The following PRKG1 variants were observed in gnomAD, a reference collection of about 807,000 sequenced individuals.
PRKG1 encodes protein kinase cGMP-dependent 1.
In PRKG1, 35 loss-of-function variants were observed where a neutral mutation model predicts 88.1. The observed-to-expected ratio is 0.40, with a 90% CI of 0.30 to 0.53. The LOEUF is 0.53. Among genes scored for constraint, PRKG1 ranks in the 20% least tolerant of loss-of-function variants. PRKG1 has a pLI of 0.59. For missense variants in PRKG1, 540 were observed against 839.8 expected (o/e 0.64, Z 4.41); for synonymous variants, 303 against 292.5 (o/e 1.04, Z -0.37).
intron 1 of PRKG1, among the ~76,000 whole-genome samples, chr10:50,997,485 G>A (rs1842848289): frequency 6.6e-6 from 1 of 152,184 alleles, no homozygotes; most frequent in African/African-American, 2.4e-5. Context: ...CTACGGTCCT[G>A]TTTCCTAGTG....
In PRKG1 at chr10:50,991,292, G is replaced by C. The variant is rs1842777883; in HGVS notation, c.-87G>C. On this transcript the variant is annotated 5_prime_UTR_variant, in exon 1 of 18. Coordinates refer to the PRKG1 transcript ENST00000401604. The surrounding 1 kb of genome is among the most constrained non-coding windows in gnomAD (Gnocchi z 4.5). ...ATTCACTCGCTCACCCGCGCTCTCC[G>C]CTGCCGGCTGCCGTCCCAGCCGCCG... The C allele has an allele frequency of 7.0e-7, 1 of 1,431,678 alleles. No homozygotes were observed. Among genetic ancestry groups the C allele is most frequent in the African/African-American group, 1.6e-5 (1 of 61,906 alleles). The allele number at this position is 1,431,678 out of a possible 1,614,324, so 88.7% of individuals were successfully genotyped here.
intron 1 of PRKG1, among the ~76,000 whole-genome samples, chr10:51,033,287 C>T (rs1011504618): frequency 5.3e-5 from 8 of 152,142 alleles, no homozygotes; most frequent in Non-Finnish European, 8.8e-5. Flanking sequence ...GATATAGGCA[C>T]CCTTCAAAAT....
chr10:52,282,449 T>C, intron 14 of PRKG1, 133 bp downstream of exon 14: 1 of 903,330 alleles, frequency 1.1e-6, no homozygotes, highest in Non-Finnish European at 1.6e-6. Context: ...TAATTAGTTA[T>C]ACAGATGACC....
At chr10:51,035,444 C>T (rs999325153) in intron 1 of PRKG1, among the ~76,000 whole-genome samples, 12 of 152,034 alleles carry the variant, frequency 7.9e-5, no homozygotes, top group African/African-American at 2.9e-4. Context: ...CTTGTGGTCT[C>T]GGTTGTAGTG....
At chr10:52,009,596 C>A (rs1844830249) in intron 5 of PRKG1, among the ~76,000 whole-genome samples, 1 of 152,080 alleles carries the variant, frequency 6.6e-6, no homozygotes, top group South Asian at 2.1e-4. Flanking sequence ...GGCCATACTG[C>A]CCAAAGGAAG....
chr10:51,031,156 C>T (rs888617083), intron 1 of PRKG1, among the ~76,000 whole-genome samples: 2 of 151,866 alleles, frequency 1.3e-5, no homozygotes, highest in African/African-American at 4.8e-5. Flanking sequence ...CTAAATTTTC[C>T]CTTTAGAATT....
At chr10:52,123,012 T>C (rs1412611257) in intron 7 of PRKG1, among the ~76,000 whole-genome samples, 1 of 152,224 alleles carries the variant, frequency 6.6e-6, no homozygotes, top group Non-Finnish European at 1.5e-5. Context: ...ATTCTGTATA[T>C]TAGGTTGAAC....
chr10:51,792,127 CTTAA>C (rs1838883878), intron 3 of PRKG1, among the ~76,000 whole-genome samples: 1 of 151,972 alleles, frequency 6.6e-6, no homozygotes, highest in African/African-American at 2.4e-5. Context: ...TTATCACTTT[CTTAA>C]TTGTGTTTCT....
At chr10:51,841,814 C>T (rs1308470948) in intron 4 of PRKG1, among the ~76,000 whole-genome samples, 1 of 152,078 alleles carries the variant, frequency 6.6e-6, no homozygotes, top group Non-Finnish European at 1.5e-5. Context: ...TCCTGAGTAG[C>T]TGGGATTATA....
At position 51,744,617 on chromosome 10, in the gene PRKG1, G is replaced by C. The variant is rs149558869; in HGVS notation, c.593-59968G>C. Among the ~76,000 whole-genome samples, 863 of 152,296 alleles carry C rather than the reference G, an allele frequency of 5.7e-3. 3 individuals carry two copies. Among genetic ancestry groups the C allele is most frequent in the Non-Finnish European group, 8.6e-3 (587 of 68,020 alleles). ...ATAATTTTCTTGTTTGTATGAGAAA[G>C]ACATTTCTTATGTGTGGAAGAAGAA... is the stretch of plus-strand genomic sequence containing the variant. On this transcript the variant is annotated intron_variant, in intron 3 of 17. Transcript: ENST00000373980.
intron 4 of PRKG1, among the ~76,000 whole-genome samples, chr10:51,875,434 G>T (rs1299216677): frequency 6.6e-6 from 1 of 151,738 alleles, no homozygotes; most frequent in Non-Finnish European, 1.5e-5. Context: ...TTGATTGATT[G>T]GTTGGTTGGT....
intron 3 of PRKG1, among the ~76,000 whole-genome samples, chr10:51,499,768 G>T (rs368119515): frequency 6.6e-6 from 1 of 152,066 alleles, no homozygotes; most frequent in Non-Finnish European, 1.5e-5. Context: ...AAGAAATCCC[G>T]TCTCTACAAA....
rs554710299 is a variant in PRKG1 at position 52,055,499 on chromosome 10, TAAAAC to T, written c.840+939_840+943del. On this transcript the variant is annotated intron_variant, in intron 6 of 17. Transcript: ENST00000373980. The stretch of plus-strand genomic sequence containing the variant: ...CAACAATATGAATTTATTTATATCT[TAAAAC>T]TAAGAAATTGAGTGAATTGGAAAAT... Among the ~76,000 whole-genome samples the T allele has an allele frequency of 2.4e-3, 365 of 152,300 alleles. 2 individuals are homozygous for T. The highest frequency in any genetic ancestry group is 4.1e-3 in the Admixed American group (63 of 15,290).
chr10:51,969,542 T>C (rs1280388113), intron 5 of PRKG1, among the ~76,000 whole-genome samples: 1 of 152,124 alleles, frequency 6.6e-6, no homozygotes, highest in African/African-American at 2.4e-5. Context: ...CAAAGTCATA[T>C]GAAAGAACTT....
At chr10:52,201,860 ATGT>A (rs1564514258) in intron 9 of PRKG1, among the ~76,000 whole-genome samples, 1 of 151,954 alleles carries the variant, frequency 6.6e-6, no homozygotes, top group East Asian at 1.9e-4. Context: ...CTCAGCTTGA[ATGT>A]TGTTGTTATA....
At chr10:51,167,269 T>A (rs933128736) in intron 2 of PRKG1, among the ~76,000 whole-genome samples, 1 of 152,032 alleles carries the variant, frequency 6.6e-6, no homozygotes, top group Admixed American at 6.6e-5. Context: ...TGAACCTGAA[T>A]GACAAGAAGG....
chr10:52,112,793 G>T (rs1328645888), intron 7 of PRKG1, among the ~76,000 whole-genome samples: 1 of 152,070 alleles, frequency 6.6e-6, no homozygotes, highest in Non-Finnish European at 1.5e-5. Context: ...CAAAGAATAG[G>T]ATTATCAAAG....
Position 51,574,185 on chromosome 10 carries a change from G to A in PRKG1, c.592+106349G>A, listed in dbSNP as rs143518790. On this transcript the variant is annotated intron_variant, in intron 3 of 17. Coordinates refer to ENST00000373980, the MANE Select transcript of PRKG1 (RefSeq NM_006258.4). ...AATAGATATTTATTTGATTTGTGTG[G>A]CTCTCATCTCTGATGTCTTAGAGCA... Among the ~76,000 whole-genome samples the A allele has an allele frequency of 2.6e-5, 4 of 151,960 alleles. No individual in the cohort carries two copies. In the East Asian group the frequency reaches 7.8e-4, roughly 29 times the overall value.
In PRKG1 at chr10:51,646,903, TTAATTC is replaced by T. The variant is rs555210618; in HGVS notation, c.593-157681_593-157676del. Among the ~76,000 whole-genome samples the T allele has an allele frequency of 2.6e-5, 4 of 152,208 alleles. No individual in the cohort carries two copies. The East Asian group carries it at 5.8e-4, about 22-fold the overall frequency. ...TAAATTATCTTGTCTACTTGCCCAC[TTAATTC>T]AATGAAATTCTTCTACTAGAAGCTC... On this transcript the variant is annotated intron_variant, in intron 3 of 17. Coordinates refer to ENST00000373980, the MANE Select transcript of PRKG1 (RefSeq NM_006258.4).
Sources: allele counts gnomAD v4.1 joint callset (sites outside exome capture counted in the v4.1 genomes callset), GRCh38; gene constraint gnomAD v4.1.1; non-coding constraint Gnocchi (gnomAD v3.1); transcripts MANE v1.5; gene names NCBI Gene and HGNC (gene_info 2026-07-23, HGNC 2026-07-21).